WWOX: variants seen among roughly 807,000 people sequenced by gnomAD.
WWOX encodes WW domain-containing oxidoreductase.
In WWOX, 69 loss-of-function variants were observed where a neutral mutation model predicts 46.2. That is an observed-to-expected ratio of 1.49 (90% confidence interval 1.23 to 1.82). WWOX has a LOEUF of 1.82. Ranked by LOEUF, WWOX falls within the 40% of genes most tolerant of loss-of-function variation. The probability of loss-of-function intolerance (pLI) is 0.00; values close to 1 mark genes in which losing one functional copy is unlikely to be tolerated. For missense variants in WWOX, 919 were observed against 542.6 expected (o/e 1.69, Z -6.89); for synonymous variants, 359 against 202.6 (o/e 1.77, Z -6.56).
At chr16:78,121,750 C>G (rs550598006) in intron 4 of WWOX, among the ~76,000 whole-genome samples, 2 of 151,734 alleles carry the variant, frequency 1.3e-5, no homozygotes, top group East Asian at 3.9e-4. Context: ...CAACCTTTGT[C>G]TCCCAGGGCC....
At chr16:78,966,214 G>GT (rs1352586104) in intron 8 of WWOX, among the ~76,000 whole-genome samples, 1 of 152,176 alleles carries the variant, frequency 6.6e-6, no homozygotes, top group Non-Finnish European at 1.5e-5. Flanking sequence ...GTCAGGTTGA[G>GT]TTTTCTAAAG....
chr16:78,898,856 A>G (rs1395059570), intron 8 of WWOX: 2 of 152,078 alleles, frequency 1.3e-5, no homozygotes, highest in African/African-American at 4.8e-5. Flanking sequence ...ACTCTTACAC[A>G]TTTGATTTTT....
intron 8 of WWOX, among the ~76,000 whole-genome samples, chr16:78,946,773 G>C (rs1381852145): frequency 6.6e-6 from 1 of 151,330 alleles, no homozygotes; most frequent in Non-Finnish European, 1.5e-5. Flanking sequence ...TTGGCAGTGA[G>C]CCCCCGGGGG....
At chr16:78,199,413 A>C (rs1438767712) in intron 5 of WWOX, among the ~76,000 whole-genome samples, 1 of 152,200 alleles carries the variant, frequency 6.6e-6, no homozygotes, top group Non-Finnish European at 1.5e-5. Flanking sequence ...GAAGCAATAA[A>C]TATGTTCATC....
chr16:78,931,287 G>C (rs1336630576), intron 8 of WWOX, among the ~76,000 whole-genome samples: 1 of 152,166 alleles, frequency 6.6e-6, no homozygotes, highest in African/African-American at 2.4e-5. Context: ...GGAATGGTAA[G>C]AGAAACTCCC....
chr16:78,544,415 C>T (rs1009459583), intron 8 of WWOX, among the ~76,000 whole-genome samples: 3 of 152,176 alleles, frequency 2.0e-5, no homozygotes, highest in Non-Finnish European at 2.9e-5. Context: ...TTATCTTCAT[C>T]TTATTAAGTA....
At chr16:78,305,399 G>C (rs1018682653) in intron 5 of WWOX, among the ~76,000 whole-genome samples, 8 of 152,136 alleles carry the variant, frequency 5.3e-5, no homozygotes, top group African/African-American at 1.9e-4. Context: ...CTCTGGATGA[G>C]TCCCTTGGCC....
intron 8 of WWOX, among the ~76,000 whole-genome samples, chr16:79,064,938 G>C (rs772674175): frequency 2.0e-5 from 3 of 152,160 alleles, no homozygotes; most frequent in Non-Finnish European, 2.9e-5. Context: ...ATGGCGCCAG[G>C]AATCTGTGTT....
At position 78,339,008 on chromosome 16, in the gene WWOX, C is replaced by T. The variant is rs1045131723; in HGVS notation, c.517-47852C>T. ...AATTGCATGTAAACTGTTACTTCTT[C>T]ATTTTCTAGTCTTAGATATTATCTG... On this transcript the variant is annotated intron_variant, in intron 5 of 8. Coordinates refer to ENST00000566780, the MANE Select transcript of WWOX (RefSeq NM_016373.4). Among the ~76,000 whole-genome samples the T allele has an allele frequency of 4.2e-5, 5 of 120,092 alleles. 2 individuals carry two copies. The highest frequency in any genetic ancestry group is 7.9e-5 in the Non-Finnish European group (4 of 50,354). The allele number at this position is 120,092 out of a possible 152,430, so 78.8% of individuals were successfully genotyped here.
intron 8 of WWOX, among the ~76,000 whole-genome samples, chr16:78,734,840 CCTTTTTTTTTT>C (rs2049047699): frequency 1.6e-5 from 1 of 61,698 alleles, no homozygotes; most frequent in Non-Finnish European, 3.4e-5. Context: ...GGACTTCAGT[CCTTTTTTTTTT>C]TTTTTTTTTT....
chr16:78,971,160 C>T (rs548686852), intron 8 of WWOX, among the ~76,000 whole-genome samples: 1 of 151,904 alleles, frequency 6.6e-6, no homozygotes, highest in South Asian at 2.1e-4. Flanking sequence ...TCGCTGTGGT[C>T]AAGAGATAGA....
chr16:78,662,931 G>A (rs955299726), intron 8 of WWOX, among the ~76,000 whole-genome samples: 1 of 152,190 alleles, frequency 6.6e-6, no homozygotes, highest in African/African-American at 2.4e-5. Context: ...GAATTGGTGA[G>A]AGAGACCGCA....
intron 8 of WWOX, among the ~76,000 whole-genome samples, chr16:78,602,613 GA>G (rs1483993915): frequency 6.6e-6 from 1 of 152,126 alleles, no homozygotes; most frequent in African/African-American, 2.4e-5. Context: ...AAGATAAACT[GA>G]AATCTAAAGT....
At chr16:78,776,987 A>T (rs1438335837) in intron 8 of WWOX, among the ~76,000 whole-genome samples, 1 of 152,180 alleles carries the variant, frequency 6.6e-6, no homozygotes, top group South Asian at 2.1e-4. Flanking sequence ...GCCAAACCAT[A>T]CCACTCATGG....
rs138944845 is a variant in WWOX at position 78,274,322 on chromosome 16, C to T, written c.516+110033C>T. Among the ~76,000 whole-genome samples the T allele has an allele frequency of 1.4e-3, 212 of 152,260 alleles. No homozygotes were observed. The South Asian group carries it at 0.019, about 14-fold the overall frequency. ...TCACTGTTCCTTCCAGTTCTTCAAG[C>T]ACTTTTTCTGTTTTTGATGGGATTT... is the stretch of plus-strand genomic sequence containing the variant. On this transcript the variant is annotated intron_variant, in intron 5 of 8. Coordinates refer to ENST00000566780, the MANE Select transcript of WWOX (RefSeq NM_016373.4).
At chr16:78,671,942 G>C (rs149944182) in intron 8 of WWOX, among the ~76,000 whole-genome samples, 1 of 152,066 alleles carries the variant, frequency 6.6e-6, no homozygotes, top group Non-Finnish European at 1.5e-5. Context: ...TTAGGATTTG[G>C]CCTTCAACTG....
chr16:79,167,373 T>C (rs2050615396), intron 8 of WWOX, among the ~76,000 whole-genome samples: 1 of 152,206 alleles, frequency 6.6e-6, no homozygotes, highest in Admixed American at 6.5e-5. Flanking sequence ...ATTCTTAGTA[T>C]TTGGTTTTTT....
chr16:78,316,378 T>G (rs868050800), intron 5 of WWOX, among the ~76,000 whole-genome samples: 6 of 152,146 alleles, frequency 3.9e-5, no homozygotes, highest in African/African-American at 1.4e-4. Context: ...TTTGCTCTTG[T>G]CACCTGGGCT....
intron 8 of WWOX, among the ~76,000 whole-genome samples, chr16:78,849,192 T>G (rs1165535012): frequency 6.6e-6 from 1 of 152,192 alleles, no homozygotes; most frequent in Non-Finnish European, 1.5e-5. Flanking sequence ...AGAGTCAATG[T>G]AAGTCTCTGG....
Sources: allele counts gnomAD v4.1 joint callset (sites outside exome capture counted in the v4.1 genomes callset), GRCh38; gene constraint gnomAD v4.1.1; transcripts MANE v1.5; gene names NCBI Gene and HGNC (gene_info 2026-07-23, HGNC 2026-07-21).